HSPA12A: variants seen among roughly 807,000 people sequenced by gnomAD.
HSPA12A encodes the protein heat shock protein family A (Hsp70) member 12A.
HSPA12A carries 28 observed loss-of-function variants against 69.2 expected under a neutral mutation model. The ratio of observed to expected loss-of-function variants is 0.40; its 90% CI spans 0.30 to 0.55. The LOEUF is 0.55. Ranked by LOEUF, HSPA12A falls within the 20% of genes least tolerant of loss-of-function variation. The pLI, the probability that HSPA12A is intolerant of heterozygous loss-of-function variation, is 0.38. For missense variants in HSPA12A, 686 were observed against 900.7 expected (o/e 0.76, Z 3.05); for synonymous variants, 345 against 370.5 (o/e 0.93, Z 0.79).
chr10:116,731,223 A>G (rs1851143093), intron 1 of HSPA12A, among the ~76,000 whole-genome samples: 1 of 152,220 alleles, frequency 6.6e-6, no homozygotes, highest in Admixed American at 6.5e-5. Flanking sequence ...TTTAAAACGA[A>G]TTTTGCTTGT....
At chr10:116,720,379 A>G (rs1364106036) in intron 1 of HSPA12A, among the ~76,000 whole-genome samples, 1 of 152,204 alleles carries the variant, frequency 6.6e-6, no homozygotes, top group African/African-American at 2.4e-5. Flanking sequence ...CTGGGGCAAG[A>G]GCTGGCACTG....
chr10:116,694,774 TC>T (rs1202397926), intron 5 of HSPA12A, among the ~76,000 whole-genome samples: 17 of 152,258 alleles, frequency 1.1e-4, no homozygotes, highest in African/African-American at 1.7e-4. Context: ...AGCCTGTCCC[TC>T]TGCAACCTTT....
At chr10:116,736,535 G>T (rs1554886443) in intron 1 of HSPA12A, among the ~76,000 whole-genome samples, 4 of 152,160 alleles carry the variant, frequency 2.6e-5, no homozygotes, top group Non-Finnish European at 5.9e-5. Flanking sequence ...ATGGGGAAAT[G>T]ATTACACAAG....
At position 116,844,561 on chromosome 10, in the gene HSPA12A, C is replaced by T. The variant is rs1051013731; in HGVS notation, c.3+5005G>A. ...TAGATGAGGAATCTTATTTCCTATG[C>T]GTGATGACTGAGTGAAAATAGTTAA... is the stretch of plus-strand genomic sequence containing the variant. On this transcript the variant is annotated intron_variant, in intron 1 of 12. Coordinates refer to the HSPA12A transcript ENST00000635765. Among the ~76,000 whole-genome samples, 3 of 151,650 alleles carry T rather than the reference C, an allele frequency of 2.0e-5. No individual in the cohort carries two copies. In the East Asian group the frequency reaches 5.8e-4, roughly 29 times the overall value.
intron 2 of HSPA12A, among the ~76,000 whole-genome samples, chr10:116,771,858 T>C (rs1448337482): frequency 6.6e-6 from 1 of 152,102 alleles, no homozygotes; most frequent in Non-Finnish European, 1.5e-5. Context: ...GGAGAACTGC[T>C]GGGGGCGGTG....
chr10:116,839,346 G>A lies in HSPA12A; in HGVS notation c.4-4324C>T, dbSNP rs376818460. Among the ~76,000 whole-genome samples the A allele has an allele frequency of 2.4e-4, 36 of 152,168 alleles. No homozygotes were observed. In the East Asian group the frequency reaches 4.8e-3, roughly 20 times the overall value. On this transcript the variant is annotated intron_variant, in intron 1 of 12. Transcript: ENST00000635765. ...CGCTCCCCTCCCCCACGAAGACCCCGGCTCTTCTTTGCTGTTTCCTACAAT... is the reference window on the plus strand; with the variant it reads ...CGCTCCCCTCCCCCACGAAGACCCCAGCTCTTCTTTGCTGTTTCCTACAAT...
chr10:116,849,114 G>C (rs1020023581), intron 1 of HSPA12A, among the ~76,000 whole-genome samples: 1 of 152,200 alleles, frequency 6.6e-6, no homozygotes, highest in Non-Finnish European at 1.5e-5. Context: ...ACCCGGAGGA[G>C]CTCACTAACA....
At chr10:116,848,632 A>C (rs1845951310) in intron 1 of HSPA12A, among the ~76,000 whole-genome samples, 1 of 152,190 alleles carries the variant, frequency 6.6e-6, no homozygotes, top group Non-Finnish European at 1.5e-5. Context: ...GAGGACGCAC[A>C]CTAAGTTCTG....
At chr10:116,792,065 A>C (rs555068827) in intron 2 of HSPA12A, among the ~76,000 whole-genome samples, 1 of 151,994 alleles carries the variant, frequency 6.6e-6, no homozygotes, top group Admixed American at 6.6e-5. Flanking sequence ...ATAATAATAT[A>C]ATAATAATGA....
chr10:116,829,757 C>T (rs953593634), intron 2 of HSPA12A: 7 of 152,250 alleles, frequency 4.6e-5, no homozygotes, highest in Admixed American at 3.9e-4. Flanking sequence ...AACTTTTTCC[C>T]TCTACAAGCA....
intron 2 of HSPA12A, among the ~76,000 whole-genome samples, chr10:116,753,024 A>G (rs1843744481): frequency 6.6e-6 from 1 of 152,240 alleles, no homozygotes. Context: ...CTGTAAATCA[A>G]GAAAATAAAT....
At chr10:116,720,251 C>T (rs1043577300) in intron 1 of HSPA12A, among the ~76,000 whole-genome samples, 1 of 152,214 alleles carries the variant, frequency 6.6e-6, no homozygotes, top group Non-Finnish European at 1.5e-5. Flanking sequence ...CGCCACCCAC[C>T]CTGGGCACCG....
At chr10:116,834,974 T>C in exon 2 of HSPA12A, 1 of 1,231,756 alleles carries the variant, frequency 8.1e-7, no homozygotes, top group Non-Finnish European at 1.0e-6. Context: ...CACTTCATTT[T>C]GTTCTTTGCT....
In HSPA12A at chr10:116,675,485, G is replaced by A; in HGVS notation, c.1391-67C>T. The A allele has an allele frequency of 6.8e-7, 1 of 1,470,102 alleles. No homozygotes were observed. The highest frequency in any genetic ancestry group is 9.1e-7 in the Non-Finnish European group (1 of 1,104,326). The allele number at this position is 1,470,102 out of a possible 1,614,324, so 91.1% of individuals were successfully genotyped here. The stretch of plus-strand genomic sequence containing the variant: ...CCAGCAAGGAAGGGGGAACTGGGCT[G>A]CCTGCATCTGTGGGGAACGGATAAA... On this transcript the variant is annotated intron_variant, in intron 11 of 11. Coordinates refer to ENST00000369209, the MANE Select transcript of HSPA12A (RefSeq NM_025015.3). This position sits in a 1 kb window ranked among gnomAD's most constrained non-coding sequence, Gnocchi z 5.2.
chr10:116,692,698 A>G (rs1849771465), intron 5 of HSPA12A, among the ~76,000 whole-genome samples: 1 of 152,114 alleles, frequency 6.6e-6, no homozygotes, highest in Non-Finnish European at 1.5e-5. Flanking sequence ...TGGAGAAAGG[A>G]GGATCAGAGG....
chr10:116,843,743 A>C (rs1845838418), intron 1 of HSPA12A, among the ~76,000 whole-genome samples: 1 of 152,212 alleles, frequency 6.6e-6, no homozygotes, highest in African/African-American at 2.4e-5. Flanking sequence ...CTGCATATTA[A>C]TCATCATATA....
chr10:116,695,545 G>A (rs1433270546), intron 5 of HSPA12A, among the ~76,000 whole-genome samples: 8 of 152,038 alleles, frequency 5.3e-5, no homozygotes, highest in Non-Finnish European at 1.0e-4. Context: ...GGCCGGGCGC[G>A]GTGGCTCACA....
chr10:116,843,779 C>T (rs948501045), intron 1 of HSPA12A, among the ~76,000 whole-genome samples: 1 of 152,180 alleles, frequency 6.6e-6, no homozygotes, highest in Non-Finnish European at 1.5e-5. Flanking sequence ...TGCATGGGCC[C>T]CACCCTCTGG....
At chr10:116,788,214 G>C (rs1408329733) in intron 2 of HSPA12A, among the ~76,000 whole-genome samples, 1 of 152,172 alleles carries the variant, frequency 6.6e-6, no homozygotes, top group Non-Finnish European at 1.5e-5. Flanking sequence ...GGAGGCGGCC[G>C]TGCGCACAAC....
Sources: gnomAD v4.1 joint callset for allele counts (sites outside exome capture counted in the v4.1 genomes callset) on GRCh38, gnomAD v4.1.1 for gene constraint, Gnocchi (gnomAD v3.1) non-coding constraint, MANE v1.5 for transcripts, NCBI Gene and HGNC (gene_info 2026-07-23, HGNC 2026-07-21) for gene names.